The following JADE3 variants were observed in gnomAD, a reference collection of about 807,000 sequenced individuals.
The protein encoded by JADE3 is jade family PHD finger 3.
Under a neutral mutation model 50.1 loss-of-function variants are expected in JADE3, and 2 were observed. The observed-to-expected ratio is 0.04, with a 90% CI of 0.02 to 0.13. The LOEUF (loss-of-function observed/expected upper bound fraction) is 0.13, where lower values mean the gene tolerates loss of function less well. JADE3 is among the 10% of genes least tolerant of loss of function. The pLI is 1.00. For synonymous variants in JADE3, 218 were observed against 232.9 expected, an observed-to-expected ratio of 0.94 and a Z score of 0.58; for missense variants, 475 against 634.4, an observed-to-expected ratio of 0.75 and a Z score of 2.70.
At chrX:46,995,280 T>C (rs1357367723) in intron 3 of JADE3, among the ~76,000 whole-genome samples, 1 of 111,117 alleles carries the variant, frequency 9.0e-6, no homozygotes, top group Non-Finnish European at 1.9e-5. Context: ...CCACCCGCCT[T>C]GGCCTCCCAA....
chrX:47,053,013 A>T (rs2146990352), intron 8 of JADE3, among the ~76,000 whole-genome samples: 1 of 110,632 alleles, frequency 9.0e-6, no homozygotes, highest in East Asian at 2.9e-4. Context: ...CCGAGATTGC[A>T]CCACTGCACT....
intron 1 of JADE3, among the ~76,000 whole-genome samples, chrX:46,959,195 A>G (rs1556347156): frequency 1.8e-5 from 2 of 112,492 alleles, no homozygotes; most frequent in African/African-American, 6.5e-5. Context: ...CCAGGCTGTT[A>G]TTGCAGCCCC....
At chrX:46,975,724 T>C (rs1927609315) in intron 1 of JADE3, among the ~76,000 whole-genome samples, 1 of 81,492 alleles carries the variant, frequency 1.2e-5, no homozygotes. Flanking sequence ...CTTTTTTTTT[T>C]TTTTTTTTTT....
chrX:46,952,570 G>A (rs1927028472), intron 1 of JADE3, among the ~76,000 whole-genome samples: 1 of 112,353 alleles, frequency 8.9e-6, no homozygotes, highest in Admixed American at 9.4e-5. Context: ...CTCTTCCTTC[G>A]TTGTTATTTC....
intron 1 of JADE3, among the ~76,000 whole-genome samples, chrX:46,928,936 A>G (rs984972349): frequency 3.6e-5 from 4 of 111,998 alleles, no homozygotes; most frequent in African/African-American, 9.7e-5. Context: ...TCTAATGGCT[A>G]TATACTTCCT....
chrX:47,053,450 G>A (rs1416013960), intron 8 of JADE3, among the ~76,000 whole-genome samples: 2 of 110,326 alleles, frequency 1.8e-5, no homozygotes, highest in Non-Finnish European at 3.8e-5. Flanking sequence ...GTAGAGACAG[G>A]GTTTCGCCAT....
intron 1 of JADE3, among the ~76,000 whole-genome samples, chrX:46,961,760 C>T (rs1927264145): frequency 8.9e-6 from 1 of 111,809 alleles, no homozygotes; most frequent in Non-Finnish European, 1.9e-5. Context: ...TTTTGGTGTC[C>T]CTGTTTTGCA....
chrX:46,972,878 C>T (rs986851172), intron 1 of JADE3, among the ~76,000 whole-genome samples: 3 of 112,421 alleles, frequency 2.7e-5, no homozygotes, highest in African/African-American at 9.7e-5. Flanking sequence ...GGATTATAGG[C>T]GTGAGCCACC....
intron 4 of JADE3, among the ~76,000 whole-genome samples, chrX:47,019,625 G>T (rs1928751554): frequency 1.8e-5 from 2 of 112,209 alleles, no homozygotes; most frequent in African/African-American, 6.5e-5. Context: ...TGCAGTTTCT[G>T]CAGTGTTCAC....
At chrX:46,984,427 A>G (rs886767475) in intron 1 of JADE3, among the ~76,000 whole-genome samples, 13 of 112,263 alleles carry the variant, frequency 1.2e-4, no homozygotes, top group South Asian at 3.7e-4. Flanking sequence ...CGTGTTCTTA[A>G]AGGTGGATGT....
At chrX:47,058,132 C>A in intron 10 of JADE3, 35 bp from the exon 11 acceptor site, 2 of 1,118,919 alleles carry the variant, frequency 1.8e-6, no homozygotes, top group Non-Finnish European at 2.4e-6. Context: ...TTATTTAAAT[C>A]GGTTGTTAAA....
At chrX:46,985,926 C>A in intron 3 of JADE3, 134 bp downstream of exon 3, 1 of 482,571 alleles carries the variant, frequency 2.1e-6, no homozygotes, top group Non-Finnish European at 3.6e-6. Context: ...GGGAATATAT[C>A]CCTCATAAAT....
chrX:47,056,311 T>C, intron 10 of JADE3, 112 bp downstream of exon 10: 1 of 456,129 alleles, frequency 2.2e-6, no homozygotes, highest in Non-Finnish European at 3.9e-6. Flanking sequence ...TTAAAATTCT[T>C]GTCAGATATC....
At chrX:46,960,145 C>T (rs1474279661) in intron 1 of JADE3, among the ~76,000 whole-genome samples, 1 of 110,300 alleles carries the variant, frequency 9.1e-6, no homozygotes, top group Admixed American at 9.6e-5. Flanking sequence ...CCTTAGTCCC[C>T]TGCTCAGAGT....
chrX:47,005,297 A>G (rs1433100703), intron 4 of JADE3, among the ~76,000 whole-genome samples: 3 of 111,197 alleles, frequency 2.7e-5, no homozygotes, highest in African/African-American at 9.8e-5. Context: ...CTGGAGTGCA[A>G]TGGTGCCATC....
At chrX:46,979,700 A>ACT (rs1396411457) in intron 1 of JADE3, among the ~76,000 whole-genome samples, 1 of 110,506 alleles carries the variant, frequency 9.0e-6, no homozygotes, top group East Asian at 2.8e-4. Flanking sequence ...GTTTCTCTAC[A>ACT]CTTTCTCCAT....
At chrX:47,032,686 G>A (rs1260042942) in intron 6 of JADE3, among the ~76,000 whole-genome samples, 2 of 111,313 alleles carry the variant, frequency 1.8e-5, no homozygotes, top group Non-Finnish European at 3.8e-5. Context: ...AAGAAAGTGA[G>A]TAATACAAGT....
chrX:46,971,902 G>A (rs1358245366), intron 1 of JADE3, among the ~76,000 whole-genome samples: 1 of 110,394 alleles, frequency 9.1e-6, no homozygotes, highest in Non-Finnish European at 1.9e-5. Context: ...GAGGTCTATA[G>A]CAGCCAAACA....
intron 1 of JADE3, among the ~76,000 whole-genome samples, chrX:46,933,373 A>G (rs924171872): frequency 3.6e-5 from 4 of 112,584 alleles, no homozygotes; most frequent in Non-Finnish European, 7.5e-5. Flanking sequence ...TCACATTAAC[A>G]AAAGCTTAGT....
Sources: allele counts gnomAD v4.1 joint callset (sites outside exome capture counted in the v4.1 genomes callset), GRCh38; gene constraint gnomAD v4.1.1; transcripts MANE v1.5; gene names NCBI Gene and HGNC (gene_info 2026-07-23, HGNC 2026-07-21).